Variants in NLRP5 observed in about 807,000 individuals in gnomAD.
NLRP5 encodes NLR family pyrin domain containing 5, also known as NACHT, LRR and PYD domains-containing protein 5.
Under a neutral mutation model 113.1 loss-of-function variants are expected in NLRP5, and 93 were observed. That is an observed-to-expected ratio of 0.82 (90% CI 0.70 to 0.98). NLRP5 has a LOEUF of 0.98. Ranked by LOEUF, NLRP5 falls within the 50% of genes least tolerant of loss-of-function variation. The pLI is 0.00. For synonymous variants in NLRP5, 751 were observed against 600.7 expected (o/e 1.25, Z -3.66); for missense variants, 1,808 against 1,514.3 (o/e 1.19, Z -3.22).
intron 3 of NLRP5, among the ~76,000 whole-genome samples, chr19:56,009,397 A>G (rs1330726559): frequency 6.7e-6 from 1 of 149,400 alleles, no homozygotes; most frequent in Non-Finnish European, 1.5e-5. Context: ...CAACTTGAGG[A>G]CTTCCCATCG....
intron 13 of NLRP5, among the ~76,000 whole-genome samples, chr19:56,055,757 G>C (rs997656057): frequency 2.0e-5 from 3 of 151,492 alleles, no homozygotes; most frequent in Non-Finnish European, 4.4e-5. Flanking sequence ...GTGTTAGCCA[G>C]GATGGTCTCA....
chr19:56,061,477 C>T lies in NLRP5; in HGVS notation c.3552C>T (p.Asp1184=), dbSNP rs184225023. The change falls in exon 15 of 15, where the codon GAC becomes GAT. Residue 1184 remains aspartate, a synonymous_variant. Transcript: ENST00000390649. ...TACTCAAGCCCCGAGTCGTAATTGA[C>T]GGTAGTTGGCATTCTTTTGATGAAG... The T allele has an allele frequency of 4.9e-4, 798 of 1,613,964 alleles. No individual in the cohort carries two copies. The highest frequency in any genetic ancestry group is 1.3e-3 in the Middle Eastern group (8 of 6,062).
At position 56,032,711 on chromosome 19, in the gene NLRP5, C is replaced by A; in HGVS notation, c.2377C>A (p.Leu793Met). The A allele has an allele frequency of 1.2e-6, 2 of 1,613,582 alleles. No individual in the cohort carries two copies. Among genetic ancestry groups the A allele is most frequent in the Non-Finnish European group, 1.7e-6 (2 of 1,179,804 alleles). ...GCAGCTGGACCTGGGCAGCAGCATCCTGACAGAGCGGGCCATGAAGACCCT... is the reference window on the plus strand; with the variant it reads ...GCAGCTGGACCTGGGCAGCAGCATCATGACAGAGCGGGCCATGAAGACCCT... The change falls in exon 8 of 15, where the codon CTG (leucine) becomes ATG (methionine). Residue 793 changes from leucine to methionine, a missense_variant. Coordinates refer to ENST00000390649, the MANE Select transcript of NLRP5 (RefSeq NM_153447.4).
At chr19:56,020,981 C>T (rs544091912) in intron 6 of NLRP5, among the ~76,000 whole-genome samples, 9 of 151,088 alleles carry the variant, frequency 6.0e-5, no homozygotes, top group Non-Finnish European at 1.2e-4. Context: ...TCAAGCGATT[C>T]TTCTGTCTCA....
chr19:55,998,635 A>G (rs562948323), upstream of NLRP5, among the ~76,000 whole-genome samples: 29 of 137,860 alleles, frequency 2.1e-4, no homozygotes, highest in East Asian at 6.1e-3. Flanking sequence ...CCCGGGCGAC[A>G]ATGCAAGCCT....
At chr19:56,057,090 C>T (rs1457024274) in intron 13 of NLRP5, among the ~76,000 whole-genome samples, 2 of 152,112 alleles carry the variant, frequency 1.3e-5, no homozygotes, top group Admixed American at 6.6e-5. Flanking sequence ...GAGTCGAGCT[C>T]GTGCCACCAC....
Position 56,028,353 on chromosome 19 carries a change from T to G in NLRP5, c.2120T>G (p.Phe707Cys). 6.2e-7 allele frequency: 1 copy of G among 1,613,964 alleles called. No individual in the cohort carries two copies. The highest frequency in any genetic ancestry group is 8.5e-7 in the Non-Finnish European group (1 of 1,179,886). Residue 707 changes from phenylalanine (F) to cysteine (C), a missense_variant, in exon 7 of 15, where the codon TTC (phenylalanine) becomes TGC (cysteine). Transcript: ENST00000390649. The stretch of plus-strand genomic sequence containing the variant: ...TTTGTTCGCTTGGCATTAAACAGCT[T>G]CCAAGAAGTGTGGCTTCCGATTAAC...
Position 56,038,307 on chromosome 19 carries a change from G to A in NLRP5, c.2786+112G>A, listed in dbSNP as rs1487305733. The A allele has an allele frequency of 2.5e-6, 3 of 1,223,468 alleles. No individual in the cohort carries two copies. The South Asian group carries it at 4.1e-5, about 17-fold the overall frequency. 75.8% of individuals were successfully genotyped at this position (1,223,468 alleles called of 1,614,324 possible). A position where few individuals can be genotyped will look rare whatever the true frequency, so the allele number is the denominator to read the frequency against. On this transcript the variant is annotated intron_variant, in intron 10 of 14. Coordinates refer to ENST00000390649, the MANE Select transcript of NLRP5 (RefSeq NM_153447.4). ...AAATGAGCAGATGTACAAACCAGGGGTGAGGAAGGAAGTTGGGACCTCCCA... is the reference window on the plus strand; with the variant it reads ...AAATGAGCAGATGTACAAACCAGGGATGAGGAAGGAAGTTGGGACCTCCCA...
chr19:56,030,521 A>T (rs1474743091), intron 7 of NLRP5, among the ~76,000 whole-genome samples: 1 of 152,106 alleles, frequency 6.6e-6, no homozygotes, highest in African/African-American at 2.4e-5. Flanking sequence ...AAGAAAGAAC[A>T]GCTTGCCCGT....
In NLRP5 at chr19:56,007,888, TGCGCGTGCGCGC is replaced by T. The variant is rs1303090083; in HGVS notation, c.443-898_443-887del. On this transcript the variant is annotated intron_variant, in intron 2 of 14. Transcript: ENST00000390649. ...GACAGTTTGTGTGTGTGTGTGTGTG[TGCGCGTGCGCGC>T]GTGCGTGTGTGTGTGTGTGTGTGTG... is the stretch of plus-strand genomic sequence containing the variant. Among the ~76,000 whole-genome samples the T allele has an allele frequency of 1.6e-4, 11 of 68,036 alleles. No homozygotes were observed. The South Asian group carries it at 3.5e-3, about 21-fold the overall frequency. The allele number at this position is 68,036 out of a possible 152,430, so 44.6% of individuals were successfully genotyped here. A position where few individuals can be genotyped will look rare whatever the true frequency, so the allele number is the denominator to read the frequency against.
intron 1 of NLRP5, among the ~76,000 whole-genome samples, chr19:56,000,968 C>T (rs540204981): frequency 6.6e-6 from 1 of 152,012 alleles, no homozygotes; most frequent in South Asian, 2.1e-4. Context: ...GATCATGCCA[C>T]TACACTCCAG....
intron 11 of NLRP5, among the ~76,000 whole-genome samples, chr19:56,046,590 G>C (rs1212697819): frequency 2.0e-5 from 3 of 152,000 alleles, no homozygotes; most frequent in Non-Finnish European, 4.4e-5. Context: ...GCCCAGGCTG[G>C]AGTGCAGTGG....
rs116543472 is a variant in NLRP5, at chr19:56,032,819, A to G, written c.2447+38A>G. On this transcript the variant is annotated intron_variant, in intron 8 of 14. Coordinates refer to ENST00000390649, the MANE Select transcript of NLRP5 (RefSeq NM_153447.4). ...GCCCCCTACGAGAGAATCCCTTCCC[A>G]TGACGCTATCCCAGCTCTCCCCTAC... 1.8e-3 allele frequency: 2,864 copies of G among 1,567,196 alleles called. 41 individuals carry two copies. In the African/African-American group the frequency reaches 0.031, roughly 17 times the overall value.
intron 12 of NLRP5, among the ~76,000 whole-genome samples, chr19:56,051,401 C>T (rs1983927951): frequency 6.6e-6 from 1 of 152,174 alleles, no homozygotes; most frequent in South Asian, 2.1e-4. Flanking sequence ...CCATGTCGGC[C>T]AGGCTGGTCT....
chr19:56,024,051 C>A (rs1982718562), intron 6 of NLRP5, among the ~76,000 whole-genome samples: 1 of 152,018 alleles, frequency 6.6e-6, no homozygotes, highest in South Asian at 2.1e-4. Flanking sequence ...TCTCATGGAG[C>A]TTACATTATA....
intron 13 of NLRP5, among the ~76,000 whole-genome samples, 173 bp from the exon 14 acceptor site, chr19:56,058,067 C>G (rs967350061): frequency 1.3e-5 from 2 of 148,458 alleles, no homozygotes; most frequent in Non-Finnish European, 3.0e-5. Flanking sequence ...GGTCTTTCAT[C>G]AGAACAACTA....
chr19:55,993,462 CCCCCTCTCT>C, the NLRP5 span, among the ~76,000 whole-genome samples: 125 of 492 alleles, frequency 0.25, 40 homozygotes, highest in Non-Finnish European at 0.32. Flanking sequence ...CCCCTCTCTC[CCCCCTCTCT>C]CCCCCCTCCC....
At chr19:56,033,919 A>T (rs78841758) in intron 9 of NLRP5, among the ~76,000 whole-genome samples, 2,052 of 150,132 alleles carry the variant, frequency 0.014, 46 homozygotes, top group African/African-American at 0.049. Context: ...TATCACAATT[A>T]AAAAAACTCA....
chr19:56,013,709 T>G (rs1365475115), intron 3 of NLRP5, among the ~76,000 whole-genome samples: 1 of 149,146 alleles, frequency 6.7e-6, no homozygotes, highest in Non-Finnish European at 1.5e-5. Flanking sequence ...GGAGTGGAAG[T>G]GGTGGGTCAT....
Sources: gnomAD v4.1 joint callset for allele counts (sites outside exome capture counted in the v4.1 genomes callset) on GRCh38, gnomAD v4.1.1 for gene constraint, MANE v1.5 for transcripts, NCBI Gene and HGNC (gene_info 2026-07-23, HGNC 2026-07-21) for gene names.